Variants in DHX36 observed in about 807,000 individuals in gnomAD.
DHX36 encodes ATP-dependent DNA/RNA helicase DHX36.
Under a neutral mutation model 139.0 loss-of-function variants are expected in DHX36, and 50 were observed. The observed-to-expected ratio is 0.36, with a 90% CI of 0.29 to 0.46. The LOEUF is 0.46. Ranked by LOEUF, DHX36 falls within the 20% of genes least tolerant of loss-of-function variation. DHX36 has a pLI of 1.00. For synonymous variants in DHX36, 425 were observed against 401.9 expected (o/e 1.06, Z -0.69); for missense variants, 1,024 against 1,211.3 (o/e 0.85, Z 2.29).
rs746960069 is a variant in DHX36, at chr3:154,289,772, T to C, written c.1869A>G (p.Leu623=). Residue 623 remains leucine (L), a synonymous_variant, in exon 16 of 25, where the codon CTA becomes CTG. Transcript: ENST00000496811. ...AAATTTCTGGCAGTTGATAGTCATC[T>C]AGAAGACTTGCTCTAAGACCATTAT... ...HLYNGLRASL[L]DDYQLPEILR... is the part of the protein sequence containing the mutation. 5 of 1,613,636 alleles carry C rather than the reference T, an allele frequency of 3.1e-6. No homozygotes were observed. The highest frequency in any genetic ancestry group is 1.1e-5 in the South Asian group (1 of 91,068).
At position 154,301,030 on chromosome 3, in the gene DHX36, A is replaced by G; in HGVS notation, c.1315T>C (p.Tyr439His). 1 of 1,613,468 alleles carries G rather than the reference A, an allele frequency of 6.2e-7. No homozygotes were observed. The highest frequency in any genetic ancestry group is 8.5e-7 in the Non-Finnish European group (1 of 1,179,876). ...RQEKEEKEAI[Y>H]KERWPDYVRE... The stretch of plus-strand genomic sequence containing the variant: ...ACATAATCTGGCCAACGTTCTTTAT[A>G]TATTGCTTCTTTTTCTTCTTTTTCT... Residue 439 changes from tyrosine to histidine, a missense_variant, in exon 10 of 25, where the codon TAT (tyrosine) becomes CAT (histidine). Physicochemically the swap from Tyr to His is moderately conservative, Grantham distance 83 (BLOSUM62 2). This residue lies in a region of DHX36 where 115 missense variants were observed against 105.6 expected (regional missense o/e 1.09). Transcript: ENST00000496811.
intron 6 of DHX36, among the ~76,000 whole-genome samples, chr3:154,305,565 C>G (rs1012649954): frequency 1.3e-5 from 2 of 152,052 alleles, no homozygotes; most frequent in Admixed American, 1.3e-4. Flanking sequence ...AGCCCAGGAG[C>G]TCAAGACCAG....
Position 154,304,874 on chromosome 3 carries a change from AAATTGAGAAGGTCTTTAAC to A in DHX36, c.1048_1066del (p.Val350PhefsTer5). ...CAATATTACTTTCAAGTCAGATCGA[AAATTGAGAAGGTCTTTAAC>A]AACAGTCATTAAAACATCTGACTGC... is the stretch of plus-strand genomic sequence containing the variant. On this transcript the variant is annotated frameshift_variant, in exon 8 of 25. Transcript: ENST00000496811. LOFTEE classifies it high-confidence loss of function. 6.2e-7 allele frequency: 1 copy of A among 1,609,552 alleles called. No individual in the cohort carries two copies. Among genetic ancestry groups the A allele is most frequent in the Admixed American group, 1.7e-5 (1 of 58,894 alleles).
At chr3:154,287,748 T>C (rs1020092527) in intron 17 of DHX36, among the ~76,000 whole-genome samples, 1 of 151,602 alleles carries the variant, frequency 6.6e-6, no homozygotes, top group African/African-American at 2.4e-5. Flanking sequence ...ATACAACCAA[T>C]AAAAAGCGCA....
intron 11 of DHX36, 113 bp from the exon 12 acceptor site, chr3:154,300,038 T>A: frequency 1.4e-6 from 1 of 704,716 alleles, no homozygotes; most frequent in Non-Finnish European, 2.5e-6. Flanking sequence ...CAGGATAATT[T>A]TCGTTAATAA....
chr3:154,301,857 C>T (rs1339965397), intron 9 of DHX36, among the ~76,000 whole-genome samples: 1 of 151,864 alleles, frequency 6.6e-6, no homozygotes, highest in East Asian at 1.9e-4. Flanking sequence ...ACACTTTAAC[C>T]CCAAGGCATC....
chr3:154,308,067 G>A (rs1434335100), intron 5 of DHX36, among the ~76,000 whole-genome samples: 2 of 152,200 alleles, frequency 1.3e-5, no homozygotes, highest in African/African-American at 4.8e-5. Context: ...TGGAGACTCA[G>A]AAGAGAAGAC....
chr3:154,298,897 G>C (rs924246688), intron 12 of DHX36, among the ~76,000 whole-genome samples: 2 of 151,702 alleles, frequency 1.3e-5, no homozygotes, highest in African/African-American at 2.4e-5. Context: ...CTGGGCAAGA[G>C]AGTGAGATGC....
At chr3:154,290,334 C>T (rs1269145752) in intron 15 of DHX36, among the ~76,000 whole-genome samples, 1 of 151,852 alleles carries the variant, frequency 6.6e-6, no homozygotes, top group African/African-American at 2.4e-5. Context: ...ATTTTTTGAA[C>T]AATGATAAGA....
intron 9 of DHX36, among the ~76,000 whole-genome samples, chr3:154,302,224 C>T (rs181134677): frequency 8.3e-4 from 127 of 152,222 alleles, no homozygotes; most frequent in African/African-American, 2.8e-3. Flanking sequence ...AAAGCATGTT[C>T]AAGAAGAAAG....
chr3:154,284,327 C>T (rs893035244), intron 19 of DHX36, among the ~76,000 whole-genome samples: 1 of 151,620 alleles, frequency 6.6e-6, no homozygotes, highest in Non-Finnish European at 1.5e-5. Flanking sequence ...ATTACAAATG[C>T]CCACCACCAC....
intron 1 of DHX36, among the ~76,000 whole-genome samples, chr3:154,321,167 A>C (rs1318478509): frequency 1.3e-5 from 2 of 152,246 alleles, no homozygotes; most frequent in Admixed American, 6.5e-5. Context: ...CTAGTTATAC[A>C]TATGTGTGTA....
rs1559958754 is a variant in DHX36 at position 154,312,881 on chromosome 3, AT to A, written c.604-1208del. 8.6e-3 allele frequency among the ~76,000 whole-genome samples: 1,001 copies of A among 115,804 alleles called. 44 individuals are homozygous for A. The highest frequency in any genetic ancestry group is 0.032 in the African/African-American group (940 of 29,038). The allele number at this position is 115,804 out of a possible 152,430, so 76.0% of individuals were successfully genotyped here. ...TATATATATATATATATATATATAT[AT>A]ATATATATATATATATATAAAATAA... On this transcript the variant is annotated intron_variant, in intron 3 of 24. Coordinates refer to ENST00000496811, the MANE Select transcript of DHX36 (RefSeq NM_020865.3).
intron 3 of DHX36, chr3:154,312,266 A>T (rs1169157743): frequency 6.6e-6 from 1 of 152,180 alleles, no homozygotes; most frequent in Non-Finnish European, 1.5e-5. Context: ...AAACCTTTAT[A>T]TAAAAAGCAA....
chr3:154,301,619 A>G (rs1712284067), intron 9 of DHX36, among the ~76,000 whole-genome samples: 1 of 152,148 alleles, frequency 6.6e-6, no homozygotes, highest in Non-Finnish European at 1.5e-5. Context: ...CCAGATCTAC[A>G]GACCCACGCT....
intron 17 of DHX36, among the ~76,000 whole-genome samples, chr3:154,286,166 CAAA>C (rs60041573): frequency 5.4e-3 from 90 of 16,554 alleles, no homozygotes; most frequent in African/African-American, 0.017. Flanking sequence ...TTCCACACAC[CAAA>C]AAAAAAAAAA....
chr3:154,300,690 A>G lies in DHX36; in HGVS notation c.1365T>C (p.Ser455=). The G allele has an allele frequency of 6.2e-7, 1 of 1,607,022 alleles. No homozygotes were observed. The highest frequency in any genetic ancestry group is 8.5e-7 in the Non-Finnish European group (1 of 1,176,342). Residue 455 remains serine (S), a synonymous_variant, in exon 11 of 25, where the codon TCT becomes TCC. Transcript: ENST00000496811. ...TTTCTATAACATCTACAGTACTTGCAGAATACCTATCAAAGTTAAACACAA... is the reference window on the plus strand; with the variant it reads ...TTTCTATAACATCTACAGTACTTGCGGAATACCTATCAAAGTTAAACACAA... ...DYVRELRRRY[S]ASTVDVIEMM... is the part of the protein sequence containing the mutation.
intron 10 of DHX36, 114 bp from the exon 11 acceptor site, chr3:154,300,810 G>C: frequency 7.9e-7 from 1 of 1,265,542 alleles, no homozygotes; most frequent in South Asian, 1.3e-5. Flanking sequence ...CTACAGATCG[G>C]AGAGAATTAC....
rs779126431 is a variant in DHX36, at chr3:154,309,721, T to C, written c.745A>G (p.Ile249Val). 1 of 1,613,562 alleles carries C rather than the reference T, an allele frequency of 6.2e-7. No homozygotes were observed. The highest frequency in any genetic ancestry group is 1.7e-5 in the Admixed American group (1 of 59,960). ...QVTQFILDNY[I>V]ERGKGSACRI... Reference sequence around the variant, plus strand: ...CAAGCAGATCCTTTTCCTCTTTCAATGTAGTTATCCAAAATGAACTGAGTA... The same window carrying C: ...CAAGCAGATCCTTTTCCTCTTTCAACGTAGTTATCCAAAATGAACTGAGTA... Residue 249 changes from isoleucine (I) to valine (V), a missense_variant, in exon 5 of 25, where the codon ATT becomes GTT. This residue lies in a region of DHX36 where 146 missense variants were observed against 215.0 expected (regional missense o/e 0.68). Transcript: ENST00000496811.
Sources: gnomAD v4.1 joint callset for allele counts (sites outside exome capture counted in the v4.1 genomes callset) on GRCh38, gnomAD v4.1.1 for gene constraint, gnomAD v4.1.1 regional missense constraint, MANE v1.5 for transcripts, NCBI Gene and HGNC (gene_info 2026-07-23, HGNC 2026-07-21) for gene names.